The following KIAA1549L variants were observed in gnomAD, a reference collection of about 807,000 sequenced individuals.
KIAA1549L encodes the protein UPF0606 protein KIAA1549L.
KIAA1549L carries 88 observed loss-of-function variants against 160.7 expected under a neutral mutation model. That is an observed-to-expected ratio of 0.55 (90% confidence interval 0.46 to 0.65). The LOEUF is 0.65. Ranked by LOEUF, KIAA1549L falls within the 30% of genes least tolerant of loss-of-function variation. The pLI is 0.00. For synonymous variants in KIAA1549L, 950 were observed against 976.7 expected (o/e 0.97, Z 0.51); for missense variants, 2,258 against 2,437.5 (o/e 0.93, Z 1.55).
intron 1 of KIAA1549L, among the ~76,000 whole-genome samples, chr11:33,504,062 C>T (rs1431863457): frequency 6.6e-6 from 1 of 152,184 alleles, no homozygotes; most frequent in African/African-American, 2.4e-5. Flanking sequence ...GAGTTTGAGA[C>T]CAGCCTGGCC....
intron 1 of KIAA1549L, among the ~76,000 whole-genome samples, chr11:33,379,229 T>A (rs1850023261): frequency 6.6e-6 from 1 of 152,170 alleles, no homozygotes; most frequent in Non-Finnish European, 1.5e-5. Flanking sequence ...TCTGTAGCAA[T>A]TGTTCAGCAC....
At chr11:33,597,457 C>G (rs554606653) in intron 12 of KIAA1549L, among the ~76,000 whole-genome samples, 31 of 152,282 alleles carry the variant, frequency 2.0e-4, no homozygotes, top group African/African-American at 7.0e-4. Context: ...AGAAGCTGCT[C>G]GCCTACTGAT....
At position 33,489,532 on chromosome 11, in the gene KIAA1549L, T is replaced by C. The variant is rs141786145; in HGVS notation, c.239-52270T>C. Reference sequence around the variant, plus strand: ...ACAGTGGGAGTTTATTTCTTACTCATGTACAGTCCAGTTAGTAATGGAGGT... The same window carrying C: ...ACAGTGGGAGTTTATTTCTTACTCACGTACAGTCCAGTTAGTAATGGAGGT... On this transcript the variant is annotated intron_variant, in intron 1 of 20. Transcript: ENST00000658780. 3.3e-3 allele frequency among the ~76,000 whole-genome samples: 501 copies of C among 152,324 alleles called. 1 individual carries two copies. The highest frequency in any genetic ancestry group is 0.011 in the African/African-American group (470 of 41,564).
chr11:33,417,724 C>T (rs562345180), intron 1 of KIAA1549L, among the ~76,000 whole-genome samples: 12 of 152,114 alleles, frequency 7.9e-5, no homozygotes, highest in Non-Finnish European at 1.3e-4. Context: ...GCTCCCCATC[C>T]CTCTTTTCCT....
intron 1 of KIAA1549L, among the ~76,000 whole-genome samples, chr11:33,493,480 G>A (rs1852744155): frequency 6.6e-6 from 1 of 152,160 alleles, no homozygotes; most frequent in Admixed American, 6.5e-5. Flanking sequence ...CATTTATGCT[G>A]TGCTGGGGGC....
At chr11:33,552,864 G>A (rs1854514258) in intron 6 of KIAA1549L, among the ~76,000 whole-genome samples, 3 of 152,206 alleles carry the variant, frequency 2.0e-5, no homozygotes, top group Admixed American at 6.5e-5. Flanking sequence ...AAGGTCACAC[G>A]GTAAAGAATG....
chr11:33,486,221 A>G (rs546641685), intron 1 of KIAA1549L, among the ~76,000 whole-genome samples: 2 of 152,282 alleles, frequency 1.3e-5, no homozygotes, highest in East Asian at 3.9e-4. Flanking sequence ...TGTGGAGAAA[A>G]GGGAAGTCTT....
intron 1 of KIAA1549L, among the ~76,000 whole-genome samples, chr11:33,421,523 A>G (rs1266551146): frequency 6.6e-6 from 1 of 152,248 alleles, no homozygotes; most frequent in Non-Finnish European, 1.5e-5. Context: ...CAAGATCTCC[A>G]GGTGATTTGT....
In KIAA1549L at chr11:33,670,242, A is replaced by T. The variant is rs575514393; in HGVS notation, c.*2088A>T. 3.3e-5 allele frequency: 5 copies of T among 152,360 alleles called. No homozygotes were observed. Among genetic ancestry groups the T allele is most frequent in the African/African-American group, 1.2e-4 (5 of 41,584 alleles). The allele number at this position is 152,360 out of a possible 1,614,324, so 9.4% of individuals were successfully genotyped here. On this transcript the variant is annotated 3_prime_UTR_variant, in exon 21 of 21. Transcript: ENST00000658780. The stretch of plus-strand genomic sequence containing the variant: ...CTTTGTCTACTTGGTAAATGCCTGG[A>T]AATACTGTATGTGAAAATGATGTTT...
chr11:33,587,766 G>A (rs1346590396), intron 11 of KIAA1549L, among the ~76,000 whole-genome samples: 2 of 152,180 alleles, frequency 1.3e-5, no homozygotes, highest in East Asian at 3.9e-4. Context: ...AAATCCAGAG[G>A]GAGGAGAGAG....
At chr11:33,428,409 C>T (rs1452341635) in intron 1 of KIAA1549L, among the ~76,000 whole-genome samples, 3 of 152,154 alleles carry the variant, frequency 2.0e-5, no homozygotes, top group African/African-American at 4.8e-5. Context: ...CCCATCAACT[C>T]GTCATTCACA....
At chr11:33,451,706 A>G (rs1851724595) in intron 1 of KIAA1549L, among the ~76,000 whole-genome samples, 1 of 152,248 alleles carries the variant, frequency 6.6e-6, no homozygotes, top group African/African-American at 2.4e-5. Context: ...TTTCAACAGA[A>G]GCAGACTGAG....
At chr11:33,600,030 GAGAAA>G (rs941884697) in intron 13 of KIAA1549L, among the ~76,000 whole-genome samples, 18 of 152,034 alleles carry the variant, frequency 1.2e-4, no homozygotes, top group South Asian at 4.2e-4. Flanking sequence ...GGTAAGAGCA[GAGAAA>G]AGAAAAGAAA....
rs1854093174 is a variant in KIAA1549L at position 33,543,175 on chromosome 11, A to G, written c.1612A>G (p.Thr538Ala). The G allele has an allele frequency of 1.9e-6, 3 of 1,613,934 alleles. No homozygotes were observed. The highest frequency in any genetic ancestry group is 1.3e-5 in the African/African-American group (1 of 75,070). ...GGGCAGTGATGGGTCCCCTCCTGCA[A>G]CTAGAGACTTGCTCCTCTCAAGCAA... ...AEGSDGSPPATRDLLLSSKVP... is the reference protein window; with the variant it reads ...AEGSDGSPPAARDLLLSSKVP... Residue 538 changes from threonine (T) to alanine (A), a missense_variant, in exon 2 of 21, where the codon ACT becomes GCT. By Grantham distance (58) the Thr-to-Ala change is moderately conservative. This residue lies in a region of KIAA1549L where 540 missense variants were observed against 465.7 expected (regional missense o/e 1.16). Transcript: ENST00000658780.
intron 1 of KIAA1549L, among the ~76,000 whole-genome samples, chr11:33,424,295 G>C (rs1226703291): frequency 2.6e-5 from 4 of 152,150 alleles, no homozygotes; most frequent in African/African-American, 4.8e-5. Flanking sequence ...CAAAGCTTTA[G>C]CAGAAAAATA....
intron 1 of KIAA1549L, among the ~76,000 whole-genome samples, chr11:33,451,614 T>G (rs1851722515): frequency 6.6e-6 from 1 of 152,270 alleles, no homozygotes; most frequent in African/African-American, 2.4e-5. Flanking sequence ...AGGGTTGTTC[T>G]GATCTTGTCT....
Position 33,401,895 on chromosome 11 carries a change from G to C in KIAA1549L, c.238+25006G>C, listed in dbSNP as rs1850508382. 2.0e-5 allele frequency among the ~76,000 whole-genome samples: 3 copies of C among 152,216 alleles called. No homozygotes were observed. The South Asian group carries it at 6.2e-4, about 32-fold the overall frequency. ...ACAAGCCAAAGGTCACCAACTCAAAGATGCGGAAGCCAGGTGGGTGGCATG... is the reference window on the plus strand; with the variant it reads ...ACAAGCCAAAGGTCACCAACTCAAACATGCGGAAGCCAGGTGGGTGGCATG... On this transcript the variant is annotated intron_variant, in intron 1 of 20. Transcript: ENST00000658780.
Position 33,645,642 on chromosome 11 carries a change from G to T in KIAA1549L, c.5410-44G>T, listed in dbSNP as rs1432133514. ...GAGTAAATTACAGAGCACCTTCACG[G>T]GAAGGAAAGTAAACACATCAATGGG... On this transcript the variant is annotated intron_variant, in intron 16 of 20. Coordinates refer to ENST00000658780, the MANE Select transcript of KIAA1549L (RefSeq NM_012194.3). 5 of 1,421,574 alleles carry T rather than the reference G, an allele frequency of 3.5e-6. No individual in the cohort carries two copies. The South Asian group carries it at 5.9e-5, about 17-fold the overall frequency. 88.1% of individuals were successfully genotyped at this position (1,421,574 alleles called of 1,614,324 possible). A position where few individuals can be genotyped will look rare whatever the true frequency, so the allele number is the denominator to read the frequency against.
intron 6 of KIAA1549L, among the ~76,000 whole-genome samples, chr11:33,558,287 G>A (rs906176158): frequency 2.6e-5 from 4 of 152,154 alleles, no homozygotes; most frequent in Admixed American, 6.5e-5. Context: ...TGGGCAAACC[G>A]CAGGAGCAGT....
Sources: gnomAD v4.1 joint callset for allele counts (sites outside exome capture counted in the v4.1 genomes callset) on GRCh38, gnomAD v4.1.1 for gene constraint, gnomAD v4.1.1 regional missense constraint, MANE v1.5 for transcripts, NCBI Gene and HGNC (gene_info 2026-07-23, HGNC 2026-07-21) for gene names.